The following SHISA6 variants were observed in gnomAD, a reference collection of about 807,000 sequenced individuals.
The protein encoded by SHISA6 is shisa family member 6, also known as protein shisa-6.
SHISA6 carries 22 observed loss-of-function variants against 47.9 expected under a neutral mutation model. The ratio of observed to expected loss-of-function variants is 0.46; its 90% CI spans 0.33 to 0.66. The LOEUF (loss-of-function observed/expected upper bound fraction) is 0.66, where lower values mean the gene tolerates loss of function less well. Ranked by LOEUF, SHISA6 falls within the 30% of genes least tolerant of loss-of-function variation. SHISA6 has a pLI of 0.02. For missense variants in SHISA6, 680 were observed against 764.6 expected (o/e 0.89, Z 1.30); for synonymous variants, 388 against 337.8 (o/e 1.15, Z -1.63).
At chr17:11,362,101 A>T (rs1382496757) in intron 2 of SHISA6, among the ~76,000 whole-genome samples, 1 of 152,084 alleles carries the variant, frequency 6.6e-6, no homozygotes, top group Admixed American at 6.6e-5. Context: ...CTTTCTCATC[A>T]TTAAGATCTC....
At chr17:11,421,542 T>C (rs1794975069) in intron 3 of SHISA6, among the ~76,000 whole-genome samples, 1 of 152,210 alleles carries the variant, frequency 6.6e-6, no homozygotes, top group South Asian at 2.1e-4. Flanking sequence ...TGTCTCCATT[T>C]TACCCATATC....
chr17:11,249,743 G>C (rs1460573525), intron 1 of SHISA6, among the ~76,000 whole-genome samples: 1 of 152,162 alleles, frequency 6.6e-6, no homozygotes, highest in Non-Finnish European at 1.5e-5. Context: ...TTTTCCTAGG[G>C]TTGATTTGAT....
chr17:11,274,656 G>A (rs763124488), intron 2 of SHISA6, among the ~76,000 whole-genome samples: 3 of 152,174 alleles, frequency 2.0e-5, no homozygotes, highest in African/African-American at 4.8e-5. Flanking sequence ...GACGGCATCC[G>A]TAGCTAGATG....
intron 3 of SHISA6, among the ~76,000 whole-genome samples, chr17:11,413,378 CCA>C (rs1394270114): frequency 6.6e-6 from 1 of 152,140 alleles, no homozygotes; most frequent in East Asian, 1.9e-4. Context: ...CTGGGAAGCT[CCA>C]GTTATGACAT....
At chr17:11,320,287 A>C (rs1376404481) in intron 2 of SHISA6, among the ~76,000 whole-genome samples, 1 of 152,200 alleles carries the variant, frequency 6.6e-6, no homozygotes, top group Non-Finnish European at 1.5e-5. Flanking sequence ...TTTCAGAGAA[A>C]TTGGGAAGCA....
In SHISA6 at chr17:11,419,211, TATA is replaced by T. The variant is rs1192699237; in HGVS notation, c.895+39713_895+39715del. ...TGCACATGTACCCTAAAACTTAAAG[TATA>T]ATAATAATAAAATTTAAAAAAGAAA... On this transcript the variant is annotated intron_variant, in intron 3 of 5. Transcript: ENST00000441885. Among the ~76,000 whole-genome samples the T allele has an allele frequency of 4.2e-4, 63 of 150,446 alleles. 1 individual carries two copies. The highest frequency in any genetic ancestry group is 4.0e-3 in the Admixed American group (60 of 15,138).
chr17:11,283,070 T>G (rs1200516776), intron 2 of SHISA6, among the ~76,000 whole-genome samples: 1 of 152,250 alleles, frequency 6.6e-6, no homozygotes, highest in Non-Finnish European at 1.5e-5. Flanking sequence ...CAACCCAATC[T>G]TCAAGTTTTT....
rs1031092724 is a variant in SHISA6, at chr17:11,275,439, G to A, written c.799+11913G>A. Among the ~76,000 whole-genome samples, 6 of 152,224 alleles carry A rather than the reference G, an allele frequency of 3.9e-5. No individual in the cohort carries two copies. The South Asian group carries it at 6.2e-4, about 16-fold the overall frequency. On this transcript the variant is annotated intron_variant, in intron 2 of 5. Transcript: ENST00000441885. ...GGACTCCAGATTCATTGATTCCTTCGTTCATTCAAAAGTGATTTTGGTCCT... is the reference window on the plus strand; with the variant it reads ...GGACTCCAGATTCATTGATTCCTTCATTCATTCAAAAGTGATTTTGGTCCT...
chr17:11,451,733 C>A lies in SHISA6; in HGVS notation c.895+72224C>A, dbSNP rs1915407565. 2.0e-5 allele frequency among the ~76,000 whole-genome samples: 3 copies of A among 152,194 alleles called. 1 individual carries two copies. The South Asian group carries it at 6.2e-4, about 32-fold the overall frequency. ...CCAGGCCCAGTGTGTGGAAATTGCA[C>A]AGAGGCAGGGTGAGGCACAATATAA... On this transcript the variant is annotated intron_variant, in intron 3 of 5. Coordinates refer to ENST00000441885, the MANE Select transcript of SHISA6 (RefSeq NM_207386.4).
At chr17:11,318,300 G>T (rs1567570965) in intron 2 of SHISA6, among the ~76,000 whole-genome samples, 1 of 152,074 alleles carries the variant, frequency 6.6e-6, no homozygotes, top group Non-Finnish European at 1.5e-5. Context: ...TTGCTTTTCG[G>T]AAACTGGCAA....
intron 3 of SHISA6, among the ~76,000 whole-genome samples, chr17:11,386,908 T>G (rs768053987): frequency 6.6e-6 from 1 of 152,178 alleles, no homozygotes; most frequent in South Asian, 2.1e-4. Context: ...GAAAGTCCTG[T>G]GTCCTAGGAA....
chr17:11,403,029 A>G (rs1198666965), intron 3 of SHISA6, among the ~76,000 whole-genome samples: 2 of 152,190 alleles, frequency 1.3e-5, no homozygotes, highest in African/African-American at 4.8e-5. Context: ...GTCATGGAGG[A>G]GGGTTGAAGG....
chr17:11,272,985 T>G (rs1045580036), intron 2 of SHISA6, among the ~76,000 whole-genome samples: 2 of 152,184 alleles, frequency 1.3e-5, no homozygotes, highest in Non-Finnish European at 2.9e-5. Flanking sequence ...GCCCCTGGCC[T>G]GCCAGAGAGA....
intron 3 of SHISA6, among the ~76,000 whole-genome samples, chr17:11,408,704 A>G (rs205073): frequency 0.99 from 151,488 of 152,332 alleles, 75,330 homozygotes; most frequent in Middle Eastern, 1. Flanking sequence ...TGCCTCCACA[A>G]TGTATTGACT....
At position 11,496,602 on chromosome 17, in the gene SHISA6, G is replaced by A. The variant is rs867034170; in HGVS notation, c.896-55294G>A. ...AAAATACAAAAAATTAGCTGGGCCTGGTGGCAGGCGCCTGTAATCCCAGCT... is the reference window on the plus strand; with the variant it reads ...AAAATACAAAAAATTAGCTGGGCCTAGTGGCAGGCGCCTGTAATCCCAGCT... On this transcript the variant is annotated intron_variant, in intron 3 of 5. Coordinates refer to ENST00000441885, the MANE Select transcript of SHISA6 (RefSeq NM_207386.4). 3.3e-5 allele frequency among the ~76,000 whole-genome samples: 5 copies of A among 152,262 alleles called. No individual in the cohort carries two copies. In the East Asian group the frequency reaches 7.7e-4, roughly 24 times the overall value.
intron 3 of SHISA6, among the ~76,000 whole-genome samples, chr17:11,431,470 C>T (rs1050594344): frequency 3.9e-5 from 6 of 152,156 alleles, no homozygotes; most frequent in East Asian, 1.9e-4. Context: ...AACTGCATAC[C>T]GAATCTAGCT....
At chr17:11,548,458 T>TATATATATATAC (rs1555543966) in intron 3 of SHISA6, among the ~76,000 whole-genome samples, 1 of 146,820 alleles carries the variant, frequency 6.8e-6, no homozygotes, top group East Asian at 2.0e-4. Context: ...TATATATATA[T>TATATATATATAC]ACATATATCA....
At chr17:11,506,307 C>A (rs996737304) in intron 3 of SHISA6, among the ~76,000 whole-genome samples, 1 of 152,146 alleles carries the variant, frequency 6.6e-6, no homozygotes, top group African/African-American at 2.4e-5. Context: ...TCTCTCCCTT[C>A]CTCTTTCCTT....
At chr17:11,493,969 T>A (rs2071387833) in intron 3 of SHISA6, among the ~76,000 whole-genome samples, 1 of 152,188 alleles carries the variant, frequency 6.6e-6, no homozygotes, top group Non-Finnish European at 1.5e-5. Flanking sequence ...AGTCAAAAAT[T>A]ATTTCACTGG....
Sources: allele counts gnomAD v4.1 joint callset (sites outside exome capture counted in the v4.1 genomes callset), GRCh38; gene constraint gnomAD v4.1.1; transcripts MANE v1.5; gene names NCBI Gene and HGNC (gene_info 2026-07-23, HGNC 2026-07-21).